The following NELL1 variants were observed in gnomAD, a reference collection of about 807,000 sequenced individuals.
NELL1 encodes neural EGFL like 1, also known as protein kinase C-binding protein NELL1.
In NELL1, 76 loss-of-function variants were observed where a neutral mutation model predicts 107.4. The ratio of observed to expected loss-of-function variants is 0.71; its 90% confidence interval spans 0.59 to 0.86. The LOEUF (loss-of-function observed/expected upper bound fraction) is 0.86, where lower values mean the gene tolerates loss of function less well. Among genes scored for constraint, NELL1 ranks in the 40% least tolerant of loss-of-function variants. The probability of loss-of-function intolerance (pLI) is 0.00; values close to 1 mark genes in which losing one functional copy is unlikely to be tolerated. For synonymous variants in NELL1, 353 were observed against 341.2 expected, an observed-to-expected ratio of 1.03 and a Z score of -0.38; for missense variants, 1,024 against 1,005.5, an observed-to-expected ratio of 1.02 and a Z score of -0.25.
chr11:20,955,112 G>C (rs113669294), intron 11 of NELL1, among the ~76,000 whole-genome samples: 31 of 152,218 alleles, frequency 2.0e-4, no homozygotes, highest in African/African-American at 7.2e-4. Context: ...CTGGAAGAGA[G>C]ACACGTGATG....
rs1364309032 is a variant in NELL1 at position 20,755,534 on chromosome 11, G to GTTT, written c.185-28143_185-28141dup. Among the ~76,000 whole-genome samples, 19 of 90,304 alleles carry GTTT rather than the reference G, an allele frequency of 2.1e-4. 1 individual carries two copies. Among genetic ancestry groups the GTTT allele is most frequent in the African/African-American group, 5.1e-4 (15 of 29,408 alleles). The allele number at this position is 90,304 out of a possible 152,430, so 59.2% of individuals were successfully genotyped here. ...TTTCATGTAAAAAAGACCTGTGTGG[G>GTTT]TTTTTGTTTTTTTTTGTTTTTGTTT... On this transcript the variant is annotated intron_variant, in intron 2 of 19. Transcript: ENST00000357134.
At chr11:20,988,750 C>A (rs369286671) in intron 12 of NELL1, among the ~76,000 whole-genome samples, 1 of 151,642 alleles carries the variant, frequency 6.6e-6, no homozygotes, top group East Asian at 1.9e-4. Context: ...GCCACCACAC[C>A]TATTTTTTTT....
intron 2 of NELL1, among the ~76,000 whole-genome samples, chr11:20,685,213 A>G (rs1854278430): frequency 1.3e-5 from 2 of 152,020 alleles, no homozygotes; most frequent in Non-Finnish European, 2.9e-5. Context: ...TATAGGGCTC[A>G]TCTCTTTTGT....
At chr11:21,121,331 AG>A (rs1855363185) in intron 13 of NELL1, among the ~76,000 whole-genome samples, 1 of 152,078 alleles carries the variant, frequency 6.6e-6, no homozygotes, top group Non-Finnish European at 1.5e-5. Context: ...TTCCTGGAGG[AG>A]GGGTCCTGCT....
In NELL1 at chr11:20,804,428, G is replaced by A. The variant is rs368571079; in HGVS notation, c.335+20598G>A. Among the ~76,000 whole-genome samples the A allele has an allele frequency of 5.3e-5, 8 of 152,262 alleles. No individual in the cohort carries two copies. In the South Asian group the frequency reaches 1.7e-3, roughly 32 times the overall value. ...TTTTTGTATTTTTAATAGAGATGGG[G>A]TTTCGCCATGTTGGCCAGGCTGGTC... On this transcript the variant is annotated intron_variant, in intron 3 of 19. Coordinates refer to ENST00000357134, the MANE Select transcript of NELL1 (RefSeq NM_006157.5).
intron 14 of NELL1, among the ~76,000 whole-genome samples, chr11:21,270,474 A>AT (rs1193572282): frequency 3.3e-5 from 5 of 152,142 alleles, no homozygotes; most frequent in Admixed American, 1.3e-4. Flanking sequence ...AATTCTCCAA[A>AT]AAGATATACA....
At chr11:21,059,200 C>G (rs1388766260) in intron 12 of NELL1, among the ~76,000 whole-genome samples, 1 of 150,784 alleles carries the variant, frequency 6.6e-6, no homozygotes, top group Admixed American at 6.6e-5. Flanking sequence ...TTTCTTAACT[C>G]TCCATCTCTA....
chr11:20,728,168 G>A (rs531532664), intron 2 of NELL1, among the ~76,000 whole-genome samples: 2 of 152,082 alleles, frequency 1.3e-5, no homozygotes, highest in Non-Finnish European at 2.9e-5. Flanking sequence ...TTTTTTGCCT[G>A]TTCAGTTGTT....
intron 12 of NELL1, among the ~76,000 whole-genome samples, chr11:20,981,385 AAG>A: frequency 1.3e-5 from 2 of 152,280 alleles, no homozygotes; most frequent in African/African-American, 4.8e-5. Flanking sequence ...TATGACAGAA[AAG>A]AGTTTCTAGA....
chr11:21,367,589 A>G (rs1424988969), intron 14 of NELL1, among the ~76,000 whole-genome samples: 1 of 152,124 alleles, frequency 6.6e-6, no homozygotes, highest in African/African-American at 2.4e-5. Context: ...TATCTGGAAA[A>G]GCAGAGTCCT....
intron 5 of NELL1, among the ~76,000 whole-genome samples, chr11:20,893,866 A>AAG (rs1409053221): frequency 5.2e-4 from 78 of 151,304 alleles, no homozygotes; most frequent in African/African-American, 1.8e-3. Flanking sequence ...AAAAAAAAAA[A>AAG]AAAAAGAAAA....
chr11:21,542,473 G>A (rs974023692), intron 16 of NELL1, among the ~76,000 whole-genome samples: 1 of 152,060 alleles, frequency 6.6e-6, no homozygotes, highest in Non-Finnish European at 1.5e-5. Flanking sequence ...TTATCTCTGT[G>A]TGATGAGCAC....
intron 2 of NELL1, among the ~76,000 whole-genome samples, chr11:20,706,458 GA>G (rs1222411058): frequency 2.1e-5 from 3 of 142,606 alleles, no homozygotes; most frequent in Non-Finnish European, 4.5e-5. Flanking sequence ...CAGAGGTGGG[GA>G]TTGAACAATG....
chr11:21,276,240 A>G (rs1445712571), intron 14 of NELL1, among the ~76,000 whole-genome samples: 1 of 152,200 alleles, frequency 6.6e-6, no homozygotes, highest in African/African-American at 2.4e-5. Context: ...AATCACAAGC[A>G]TTCTTATACA....
intron 5 of NELL1, among the ~76,000 whole-genome samples, chr11:20,902,519 G>A (rs997553226): frequency 6.6e-6 from 1 of 152,088 alleles, no homozygotes; most frequent in East Asian, 1.9e-4. Flanking sequence ...TACCCATTGT[G>A]TTGGAAACTT....
chr11:21,230,613 C>G (rs1858022698), intron 14 of NELL1, among the ~76,000 whole-genome samples: 1 of 152,154 alleles, frequency 6.6e-6, no homozygotes, highest in Non-Finnish European at 1.5e-5. Context: ...CCCAAAGATA[C>G]ATAGTAAACA....
chr11:21,545,500 G>A (rs112940494), intron 16 of NELL1, among the ~76,000 whole-genome samples: 88 of 152,048 alleles, frequency 5.8e-4, no homozygotes, highest in African/African-American at 2.0e-3. Context: ...AGATTAATAC[G>A]TTCCCCTAAA....
intron 12 of NELL1, among the ~76,000 whole-genome samples, chr11:21,070,384 A>G (rs1853982141): frequency 6.6e-6 from 1 of 152,244 alleles, no homozygotes; most frequent in Middle Eastern, 3.4e-3. Flanking sequence ...ACTTTAATCT[A>G]GAGTTTTTTA....
intron 14 of NELL1, among the ~76,000 whole-genome samples, chr11:21,286,494 C>T (rs765000879): frequency 1.3e-4 from 20 of 152,148 alleles, no homozygotes; most frequent in African/African-American, 3.6e-4. Context: ...TCCAATGCCA[C>T]GCTAACTGAT....
Sources: gnomAD v4.1 joint callset for allele counts (sites outside exome capture counted in the v4.1 genomes callset) on GRCh38, gnomAD v4.1.1 for gene constraint, MANE v1.5 for transcripts, NCBI Gene and HGNC (gene_info 2026-07-23, HGNC 2026-07-21) for gene names.